LY75: variants seen among roughly 807,000 people sequenced by gnomAD.
LY75 encodes the protein C-type lectin domain family 13 member B.
In LY75, 185 loss-of-function variants were observed where a neutral mutation model predicts 231.7. The observed-to-expected ratio is 0.80, with a 90% CI of 0.71 to 0.90. LY75 has a LOEUF of 0.90. Among genes scored for constraint, LY75 ranks in the 40% least tolerant of loss-of-function variants. The pLI is 0.00. For missense variants in LY75, 1,947 were observed against 2,050.2 expected (o/e 0.95, Z 0.97); for synonymous variants, 668 against 689.0 (o/e 0.97, Z 0.48).
Position 159,890,326 on chromosome 2 carries a change from T to C in LY75, c.689A>G (p.Tyr230Cys). Residue 230 changes from tyrosine to cysteine, a missense_variant, in exon 4 of 35, where the codon TAC becomes TGC. Physicochemically the swap from Tyr to Cys is radical, Grantham distance 194. Coordinates refer to ENST00000263636, the MANE Select transcript of LY75 (RefSeq NM_002349.4). Reference protein sequence around the residue: ...WEKNEQFGSCYQFNTQTALSW... With the variant: ...WEKNEQFGSCCQFNTQTALSW... Reference sequence around the variant, plus strand: ...AAGAGCCGTCTGAGTATTAAATTGGTAGCAACTTCCAAACTGCTCGTTCTT... The same window carrying C: ...AAGAGCCGTCTGAGTATTAAATTGGCAGCAACTTCCAAACTGCTCGTTCTT... The C allele has an allele frequency of 6.2e-7, 1 of 1,613,520 alleles. No individual in the cohort carries two copies. The highest frequency in any genetic ancestry group is 1.1e-5 in the South Asian group (1 of 91,076).
At chr2:159,881,453 C>T (rs866639333) in intron 7 of LY75, among the ~76,000 whole-genome samples, 2 of 152,110 alleles carry the variant, frequency 1.3e-5, no homozygotes, top group African/African-American at 2.4e-5. Context: ...AGAACATCTG[C>T]AGGCTGGGTG....
intron 13 of LY75, among the ~76,000 whole-genome samples, chr2:159,865,351 T>C (rs1684827924): frequency 1.3e-5 from 2 of 152,174 alleles, no homozygotes; most frequent in African/African-American, 4.8e-5. Context: ...GAAACATAGT[T>C]GAGTTCCTAC....
At chr2:159,869,305 A>G (rs978181234) in intron 13 of LY75, among the ~76,000 whole-genome samples, 1 of 152,044 alleles carries the variant, frequency 6.6e-6, no homozygotes, top group African/African-American at 2.4e-5. Flanking sequence ...TAATAATAAA[A>G]AAAAAAAAGA....
chr2:159,874,989 T>TTATAAATATATATATTGTATA (rs1361909662), intron 12 of LY75, among the ~76,000 whole-genome samples: 2 of 143,362 alleles, frequency 1.4e-5, no homozygotes, highest in Non-Finnish European at 1.5e-5. Flanking sequence ...GTAAATATGT[T>TTATAAATATATATATTGTATA]TATAAATATA....
rs766794158 is a variant in LY75 at position 159,816,816 on chromosome 2, G to C, written c.4370C>G (p.Ser1457Ter). Residue 1457 changes from serine to a stop codon, truncating the protein, a stop_gained, in exon 30 of 35, where the codon TCA (serine) becomes TGA (stop). Transcript: ENST00000263636. LOFTEE classifies it high-confidence loss of function. ...CGAAGCAAGACTTACATCATGACTT[G>C]AGAGCCCAACCCATAGTGGAAATCC... is the stretch of plus-strand genomic sequence containing the variant. ...RDGFPLWVGL[S>*]SHDGSESSFE... The C allele has an allele frequency of 4.3e-6, 7 of 1,613,734 alleles. No individual in the cohort carries two copies. In the East Asian group the frequency reaches 1.6e-4, roughly 36 times the overall value.
At chr2:159,885,924 G>T (rs1314062894) in intron 5 of LY75, among the ~76,000 whole-genome samples, 1 of 152,056 alleles carries the variant, frequency 6.6e-6, no homozygotes. Context: ...TGGCTAAGTG[G>T]CATTTTGCTT....
chr2:159,811,436 T>C (rs967003341), intron 31 of LY75, among the ~76,000 whole-genome samples: 2 of 151,786 alleles, frequency 1.3e-5, no homozygotes, highest in Non-Finnish European at 2.9e-5. Flanking sequence ...CACCTGTTTT[T>C]AATTCCAACC....
At chr2:159,835,905 A>G (rs183709136) in intron 25 of LY75, among the ~76,000 whole-genome samples, 1 of 152,310 alleles carries the variant, frequency 6.6e-6, no homozygotes, top group Admixed American at 6.5e-5. Context: ...TAACTTGTGC[A>G]AAGTCCCACA....
chr2:159,847,886 G>T (rs937586431), intron 23 of LY75, among the ~76,000 whole-genome samples: 2 of 151,720 alleles, frequency 1.3e-5, no homozygotes, highest in African/African-American at 4.9e-5. Flanking sequence ...TATACACAAA[G>T]GTGTTCATTG....
chr2:159,885,079 A>C, intron 6 of LY75, 74 bp downstream of exon 6: 7 of 1,554,840 alleles, frequency 4.5e-6, no homozygotes, highest in Non-Finnish European at 5.2e-6. Context: ...ATGTTGGAAA[A>C]GATTTACTTG....
chr2:159,878,690 T>C lies in LY75; in HGVS notation c.1547A>G (p.Lys516Arg), dbSNP rs751768759. Reference sequence around the variant, plus strand: ...AAAAGGGACCTCATCCTCATAAATCTTGTAACAGGTTTCTCCATGTCTCTT... The same window carrying C: ...AAAAGGGACCTCATCCTCATAAATCCTGTAACAGGTTTCTCCATGTCTCTT... ...GWKRHGETCY[K>R]IYEDEVPFGT... The change falls in exon 10 of 35, where the codon AAG (lysine) becomes AGG (arginine). Residue 516 changes from lysine to arginine, a missense_variant. Physicochemically the swap from Lys to Arg is conservative, Grantham distance 26. Transcript: ENST00000263636. 1 of 1,614,004 alleles carries C rather than the reference T, an allele frequency of 6.2e-7. No individual in the cohort carries two copies. Among genetic ancestry groups the C allele is most frequent in the East Asian group, 2.2e-5 (1 of 44,864 alleles).
intron 28 of LY75, 66 bp downstream of exon 28, chr2:159,831,604 G>A (rs1574538614): frequency 6.5e-7 from 1 of 1,532,268 alleles, no homozygotes; most frequent in East Asian, 2.3e-5. Flanking sequence ...AAGAACTATG[G>A]CTTGATAATT....
chr2:159,819,380 G>T (rs556284052), intron 29 of LY75, among the ~76,000 whole-genome samples: 1 of 151,364 alleles, frequency 6.6e-6, no homozygotes, highest in Non-Finnish European at 1.5e-5. Context: ...CCCCAACCAA[G>T]TTTCACCTCT....
rs145588983 is a variant in LY75, at chr2:159,903,959, G to A, written c.94+630C>T. ...GAGGCTGTCAGCCTTGGGGGAGCGG[G>A]GTCATTTGGAGCTGATAAACCAATG... On this transcript the variant is annotated intron_variant, in intron 1 of 34. Coordinates refer to ENST00000263636, the MANE Select transcript of LY75 (RefSeq NM_002349.4). 5.3e-5 allele frequency among the ~76,000 whole-genome samples: 8 copies of A among 152,350 alleles called. No individual in the cohort carries two copies. The South Asian group carries it at 6.2e-4, about 12-fold the overall frequency.
intron 24 of LY75, 63 bp from the exon 25 acceptor site, chr2:159,841,018 C>A: frequency 6.3e-7 from 1 of 1,579,472 alleles, no homozygotes; most frequent in Admixed American, 1.8e-5. Context: ...AGTTATGGGA[C>A]ATTTTTTTCA....
intron 4 of LY75, among the ~76,000 whole-genome samples, chr2:159,888,424 T>C (rs1341270071): frequency 2.6e-5 from 4 of 152,200 alleles, no homozygotes; most frequent in African/African-American, 7.2e-5. Context: ...TATGTTGATA[T>C]TCAAATCCCA....
chr2:159,899,039 C>T lies in LY75; in HGVS notation c.115G>A (p.Val39Ile), dbSNP rs777517798. 7.4e-6 allele frequency: 12 copies of T among 1,613,272 alleles called. No individual in the cohort carries two copies. In the Admixed American group the frequency reaches 1.2e-4, roughly 16 times the overall value. Residue 39 changes from valine (V) to isoleucine (I), a missense_variant, in exon 2 of 35, where the codon GTC (valine) becomes ATC (isoleucine). Coordinates refer to ENST00000263636, the MANE Select transcript of LY75 (RefSeq NM_002349.4). The stretch of plus-strand genomic sequence containing the variant: ...ATGCACTTGCCCGTATTTCCATGGA[C>T]GATGGTGAAGGGGTCATTAGCTGAG... ...GRAANDPFTI[V>I]HGNTGKCIKP...
chr2:159,808,385 G>A (rs1009357307), intron 33 of LY75, 64 bp downstream of exon 33: 10 of 1,610,030 alleles, frequency 6.2e-6, no homozygotes, highest in South Asian at 4.4e-5. Context: ...TAGCAAGGAC[G>A]ACTTGTTATT....
At chr2:159,865,675 G>A (rs895634512) in intron 13 of LY75, among the ~76,000 whole-genome samples, 6 of 152,096 alleles carry the variant, frequency 3.9e-5, no homozygotes, top group African/African-American at 4.8e-5. Context: ...AGGTCACTGC[G>A]GACTGCAGAA....
Sources: gnomAD v4.1 joint callset for allele counts (sites outside exome capture counted in the v4.1 genomes callset) on GRCh38, gnomAD v4.1.1 for gene constraint, MANE v1.5 for transcripts, NCBI Gene and HGNC (gene_info 2026-07-23, HGNC 2026-07-21) for gene names.